MYLK4: variants seen among roughly 807,000 people sequenced by gnomAD.
MYLK4 encodes myosin light chain kinase family member 4.
Under a neutral mutation model 48.1 loss-of-function variants are expected in MYLK4, and 46 were observed. That is an observed-to-expected ratio of 0.96 (90% confidence interval 0.75 to 1.22). MYLK4 has a LOEUF of 1.22. Among genes scored for constraint, MYLK4 ranks in the 50% most tolerant of loss-of-function variants. The pLI is 0.00. For missense variants in MYLK4, 451 were observed against 486.1 expected, an observed-to-expected ratio of 0.93 and a Z score of 0.68; for synonymous variants, 170 against 180.8, an observed-to-expected ratio of 0.94 and a Z score of 0.48.
chr6:2,689,767 G>T (rs1036451041), intron 3 of MYLK4, among the ~76,000 whole-genome samples: 1 of 152,184 alleles, frequency 6.6e-6, no homozygotes, highest in African/African-American at 2.4e-5. Flanking sequence ...GAATACAAAG[G>T]GAGGTAAGTA....
chr6:2,712,292 C>G (rs903976935), intron 2 of MYLK4, among the ~76,000 whole-genome samples: 5 of 152,188 alleles, frequency 3.3e-5, no homozygotes, highest in African/African-American at 4.8e-5. Context: ...CAGTCACCAG[C>G]TGTGTTCAGT....
chr6:2,748,190 C>T (rs1690466766), intron 2 of MYLK4, among the ~76,000 whole-genome samples: 1 of 152,172 alleles, frequency 6.6e-6, no homozygotes, highest in Non-Finnish European at 1.5e-5. Context: ...ATAATGGTTC[C>T]CAGCCCTCAA....
chr6:2,695,676 A>G (rs897714214), intron 2 of MYLK4, among the ~76,000 whole-genome samples: 6 of 152,238 alleles, frequency 3.9e-5, no homozygotes, highest in Non-Finnish European at 4.4e-5. Flanking sequence ...TTTGAACCGA[A>G]GAGTTTCCAA....
chr6:2,669,436 C>T (rs924892798), intron 12 of MYLK4, among the ~76,000 whole-genome samples: 1 of 152,248 alleles, frequency 6.6e-6, no homozygotes, highest in African/African-American at 2.4e-5. Flanking sequence ...CATTCCTCCC[C>T]CACCAGACCC....
At chr6:2,730,899 T>G (rs551159225) in intron 2 of MYLK4, among the ~76,000 whole-genome samples, 185 of 152,322 alleles carry the variant, frequency 1.2e-3, no homozygotes, top group Middle Eastern at 3.4e-3. Context: ...CAGGTGCAGT[T>G]CAGCCTGGCC....
intron 2 of MYLK4, among the ~76,000 whole-genome samples, chr6:2,712,086 A>G (rs1248736705): frequency 6.6e-6 from 1 of 152,158 alleles, no homozygotes; most frequent in Admixed American, 6.6e-5. Context: ...TAACTGGTCT[A>G]TTCAAAAAAA....
chr6:2,697,743 C>T (rs1278870930), intron 2 of MYLK4, among the ~76,000 whole-genome samples: 4 of 152,234 alleles, frequency 2.6e-5, no homozygotes, highest in African/African-American at 7.2e-5. Context: ...TCCTCTGGAC[C>T]TCAACAATGC....
the MYLK4 span, among the ~76,000 whole-genome samples, chr6:2,763,990 G>A: frequency 1.3e-5 from 2 of 152,166 alleles, no homozygotes; most frequent in Non-Finnish European, 2.9e-5. Context: ...AAATTACCTG[G>A]GTGTGGTGGC....
At chr6:2,763,317 A>G in the MYLK4 span, among the ~76,000 whole-genome samples, 5 of 152,246 alleles carry the variant, frequency 3.3e-5, no homozygotes, top group Non-Finnish European at 1.5e-5. Flanking sequence ...GTTGCTTGCT[A>G]GTCCCACGTA....
At chr6:2,740,460 T>C (rs1344690867) in intron 2 of MYLK4, among the ~76,000 whole-genome samples, 1 of 152,198 alleles carries the variant, frequency 6.6e-6, no homozygotes, top group Non-Finnish European at 1.5e-5. Flanking sequence ...AGACCCCCGA[T>C]GGTGGAGATG....
chr6:2,761,748 C>T, the MYLK4 span, among the ~76,000 whole-genome samples: 9 of 152,150 alleles, frequency 5.9e-5, no homozygotes, highest in African/African-American at 1.9e-4. Context: ...ATTTTCACCT[C>T]ATAGGTCATC....
intron 2 of MYLK4, among the ~76,000 whole-genome samples, chr6:2,712,300 A>C (rs772271563): frequency 1.3e-5 from 2 of 152,214 alleles, no homozygotes; most frequent in Non-Finnish European, 2.9e-5. Context: ...AGCTGTGTTC[A>C]GTAGCACTCA....
intron 2 of MYLK4, among the ~76,000 whole-genome samples, chr6:2,726,596 T>G (rs1763281989): frequency 7.4e-6 from 1 of 135,490 alleles, no homozygotes; most frequent in Admixed American, 8.7e-5. Context: ...GCTGTGTGCC[T>G]ACTATACAAT....
intron 2 of MYLK4, among the ~76,000 whole-genome samples, chr6:2,730,055 A>G (rs1175276039): frequency 6.6e-6 from 1 of 152,240 alleles, no homozygotes; most frequent in Non-Finnish European, 1.5e-5. Context: ...TTCGACAATA[A>G]TGAATGGACA....
At chr6:2,727,633 A>G (rs1449736485) in intron 2 of MYLK4, among the ~76,000 whole-genome samples, 1 of 152,210 alleles carries the variant, frequency 6.6e-6, no homozygotes, top group Non-Finnish European at 1.5e-5. Context: ...AAAAACTAAT[A>G]AGACGGTTCA....
chr6:2,733,093 A>G (rs1011163013), intron 2 of MYLK4, among the ~76,000 whole-genome samples: 5 of 152,212 alleles, frequency 3.3e-5, no homozygotes, highest in African/African-American at 1.2e-4. Context: ...TAAACTGTCA[A>G]ATTATATCCT....
At chr6:2,699,206 G>A (rs756504224) in intron 2 of MYLK4, among the ~76,000 whole-genome samples, 6 of 151,168 alleles carry the variant, frequency 4.0e-5, no homozygotes, top group South Asian at 2.1e-4. Context: ...GAAGATGCAC[G>A]GATAATTTTA....
Position 2,702,751 on chromosome 6 carries a change from G to A in MYLK4, c.160-9892C>T, listed in dbSNP as rs143402477. ...TATACATAGATCAAAACTTCACACC[G>A]TGCCCCAGGAATATACACAACTGTT... On this transcript the variant is annotated intron_variant, in intron 2 of 12. Coordinates refer to ENST00000274643, the MANE Select transcript of MYLK4 (RefSeq NM_001012418.5). Among the ~76,000 whole-genome samples, 216 of 152,224 alleles carry A rather than the reference G, an allele frequency of 1.4e-3. 1 individual carries two copies. The highest frequency in any genetic ancestry group is 2.3e-3 in the Non-Finnish European group (155 of 68,010).
intron 2 of MYLK4, among the ~76,000 whole-genome samples, chr6:2,738,392 T>C (rs1366274351): frequency 6.6e-6 from 1 of 152,264 alleles, no homozygotes; most frequent in Non-Finnish European, 1.5e-5. Flanking sequence ...ATTTAGTTTA[T>C]AATCTTCCAG....
Sources: allele counts gnomAD v4.1 joint callset (sites outside exome capture counted in the v4.1 genomes callset), GRCh38; gene constraint gnomAD v4.1.1; transcripts MANE v1.5; gene names NCBI Gene and HGNC (gene_info 2026-07-23, HGNC 2026-07-21).